The following TNIK variants were observed in gnomAD, a reference collection of about 807,000 sequenced individuals.
TNIK encodes the protein TRAF2 and NCK interacting kinase.
Under a neutral mutation model 191.3 loss-of-function variants are expected in TNIK, and 49 were observed. The observed-to-expected ratio is 0.26, with a 90% CI of 0.20 to 0.32. The LOEUF is 0.32. Ranked by LOEUF, TNIK falls within the 10% of genes least tolerant of loss-of-function variation. The pLI is 1.00. For synonymous variants in TNIK, 594 were observed against 600.9 expected (o/e 0.99, Z 0.17); for missense variants, 1,155 against 1,702.3 (o/e 0.68, Z 5.66).
intron 2 of TNIK, among the ~76,000 whole-genome samples, chr3:171,348,171 C>T (rs1341381141): frequency 1.3e-5 from 2 of 152,154 alleles, no homozygotes; most frequent in East Asian, 1.9e-4. Context: ...CTTTAACATG[C>T]CTCATGCCTG....
intron 1 of TNIK, among the ~76,000 whole-genome samples, chr3:171,408,766 G>A (rs1487909487): frequency 6.6e-6 from 1 of 152,218 alleles, no homozygotes; most frequent in Non-Finnish European, 1.5e-5. Flanking sequence ...CCCTCTGGCT[G>A]AACCCCAGTG....
chr3:171,321,091 T>C (rs181638129), intron 2 of TNIK, among the ~76,000 whole-genome samples: 135 of 152,320 alleles, frequency 8.9e-4, no homozygotes, highest in Non-Finnish European at 8.8e-5. Flanking sequence ...TAAAACCTTA[T>C]ATAGTAATGA....
chr3:171,246,024 A>G (rs1238747275), intron 2 of TNIK, among the ~76,000 whole-genome samples: 1 of 152,120 alleles, frequency 6.6e-6, no homozygotes, highest in Non-Finnish European at 1.5e-5. Context: ...GAAAGCAAAG[A>G]AGGCCTGGAG....
At chr3:171,163,512 A>T (rs1347869803) in intron 10 of TNIK, among the ~76,000 whole-genome samples, 2 of 152,176 alleles carry the variant, frequency 1.3e-5, no homozygotes, top group African/African-American at 4.8e-5. Context: ...GTATTTTTAA[A>T]ATCACAACTT....
chr3:171,427,804 T>C (rs775416514), intron 1 of TNIK, among the ~76,000 whole-genome samples: 7 of 152,160 alleles, frequency 4.6e-5, no homozygotes, highest in Non-Finnish European at 1.0e-4. Context: ...AGTCAGGTGA[T>C]AAGCGCCATG....
intron 2 of TNIK, among the ~76,000 whole-genome samples, chr3:171,307,597 T>C (rs757139942): frequency 1.2e-4 from 19 of 152,208 alleles, no homozygotes; most frequent in Non-Finnish European, 1.8e-4. Context: ...CCACAAGTGA[T>C]TTGTGAAATT....
intron 1 of TNIK, among the ~76,000 whole-genome samples, chr3:171,427,728 AG>A (rs1724827468): frequency 6.6e-6 from 1 of 152,176 alleles, no homozygotes; most frequent in South Asian, 2.1e-4. Context: ...AACAAAATCA[AG>A]GGAAAGATGG....
intron 30 of TNIK, among the ~76,000 whole-genome samples, chr3:171,067,835 CT>C (rs1718663842): frequency 6.6e-6 from 1 of 152,114 alleles, no homozygotes. Context: ...ATAGTTACAC[CT>C]TAGCTGCCTC....
chr3:171,289,009 G>A (rs4894508), intron 2 of TNIK, among the ~76,000 whole-genome samples: 6,887 of 152,198 alleles, frequency 0.045, 225 homozygotes, highest in African/African-American at 0.096. Context: ...GGGACGAATT[G>A]TTCAACTGAT....
At chr3:171,348,009 C>T (rs1422109192) in intron 2 of TNIK, among the ~76,000 whole-genome samples, 1 of 152,112 alleles carries the variant, frequency 6.6e-6, no homozygotes, top group African/African-American at 2.4e-5. Context: ...TCTGCATGGA[C>T]TTACTTATTC....
In TNIK at chr3:171,449,281, T is replaced by C. The variant is rs576251005; in HGVS notation, c.57+10726A>G. 2.7e-3 allele frequency among the ~76,000 whole-genome samples: 412 copies of C among 152,232 alleles called. 4 individuals carry two copies. Among genetic ancestry groups the C allele is most frequent in the African/African-American group, 9.6e-3 (398 of 41,528 alleles). On this transcript the variant is annotated intron_variant, in intron 1 of 32. Transcript: ENST00000436636. ...GGGTATATACCCAGTAATGGGATTG[T>C]TGGGTCAAATGGTATTTCTGGTTCT...
chr3:171,166,837 A>C (rs1024927954), intron 10 of TNIK, among the ~76,000 whole-genome samples: 1 of 152,228 alleles, frequency 6.6e-6, no homozygotes, highest in African/African-American at 2.4e-5. Context: ...AAAGTACTTC[A>C]TAGTATCATT....
intron 1 of TNIK, among the ~76,000 whole-genome samples, chr3:171,407,955 G>A (rs1356535928): frequency 1.3e-5 from 2 of 152,042 alleles, no homozygotes; most frequent in Non-Finnish European, 2.9e-5. Context: ...AACCCACAAT[G>A]ACACATCTAT....
intron 22 of TNIK, among the ~76,000 whole-genome samples, chr3:171,098,439 T>G (rs1290958920): frequency 6.6e-6 from 1 of 152,228 alleles, no homozygotes; most frequent in Non-Finnish European, 1.5e-5. Context: ...GTTATTTTTC[T>G]ATGCATGAGG....
intron 24 of TNIK, 87 bp from the exon 25 acceptor site, chr3:171,085,316 G>T (rs994168597): frequency 2.4e-6 from 3 of 1,252,260 alleles, no homozygotes; most frequent in South Asian, 1.6e-5. Context: ...GCTGTAAAAC[G>T]ATCACAGATT....
chr3:171,099,581 C>T (rs1209074998), intron 22 of TNIK, among the ~76,000 whole-genome samples: 4 of 151,972 alleles, frequency 2.6e-5, no homozygotes, highest in African/African-American at 4.8e-5. Context: ...TATCATAGTC[C>T]AGAAAAGGAG....
At chr3:171,190,957 A>T (rs1350485808) in intron 5 of TNIK, among the ~76,000 whole-genome samples, 170 bp from the exon 6 acceptor site, 1 of 152,214 alleles carries the variant, frequency 6.6e-6, no homozygotes, top group East Asian at 1.9e-4. Context: ...TAGGCAATTC[A>T]TCAATATAAA....
At chr3:171,459,593 G>T (rs1729194772) in intron 1 of TNIK, among the ~76,000 whole-genome samples, 1 of 151,836 alleles carries the variant, frequency 6.6e-6, no homozygotes, top group African/African-American at 2.4e-5. Context: ...AGGGGCCAGT[G>T]CCTTTATTCA....
At chr3:171,406,493 A>T (rs557720604) in intron 1 of TNIK, among the ~76,000 whole-genome samples, 141 of 152,250 alleles carry the variant, frequency 9.3e-4, no homozygotes, top group African/African-American at 3.3e-3. Flanking sequence ...ACAGTGGCAC[A>T]ATTATAGCTT....
Sources: allele counts gnomAD v4.1 joint callset (sites outside exome capture counted in the v4.1 genomes callset), GRCh38; gene constraint gnomAD v4.1.1; transcripts MANE v1.5; gene names NCBI Gene and HGNC (gene_info 2026-07-23, HGNC 2026-07-21).